The following SI variants were observed in gnomAD, a reference collection of about 807,000 sequenced individuals.
SI encodes sucrase-isomaltase, intestinal.
In SI, 235 loss-of-function variants were observed where a neutral mutation model predicts 253.3. The ratio of observed to expected loss-of-function variants is 0.93; its 90% CI spans 0.83 to 1.03. The LOEUF is 1.03. Ranked by LOEUF, SI falls within the 50% of genes least tolerant of loss-of-function variation. SI has a pLI of 0.00. For synonymous variants in SI, 819 were observed against 712.0 expected (o/e 1.15, Z -2.39); for missense variants, 2,442 against 2,211.1 (o/e 1.10, Z -2.09).
At position 165,049,855 on chromosome 3, in the gene SI, G is replaced by T. The variant is rs749169883; in HGVS notation, c.1533C>A (p.Ser511Arg). 2 of 1,606,098 alleles carry T rather than the reference G, an allele frequency of 1.2e-6. No individual in the cohort carries two copies. The highest frequency in any genetic ancestry group is 1.7e-6 in the Non-Finnish European group (2 of 1,173,406). The change falls in exon 14 of 48, where the codon AGC (serine) becomes AGA (arginine). Residue 511 changes from serine (S) to arginine (R), a missense_variant. Transcript: ENST00000264382. ...ATCCTTTTGTTGAACCTTGAATAAA[G>T]CTGGAAACTTCATTCATGTCCTGAA... is the stretch of plus-strand genomic sequence containing the variant. ...GLWIDMNEVS[S>R]FIQGSTKGCN... is the part of the protein sequence containing the mutation.
intron 18 of SI, among the ~76,000 whole-genome samples, 196 bp from the exon 19 acceptor site, chr3:165,040,167 G>A (rs112163093): frequency 6.6e-6 from 1 of 151,392 alleles, no homozygotes; most frequent in Non-Finnish European, 1.5e-5. Flanking sequence ...AGGGAGGAAG[G>A]GAAGAAGGAA....
In SI at chr3:165,041,045, G is replaced by A. The variant is rs773276098; in HGVS notation, c.2054C>T (p.Ser685Leu). The A allele has an allele frequency of 6.2e-7, 1 of 1,612,358 alleles. No individual in the cohort carries two copies. Among genetic ancestry groups the A allele is most frequent in the Non-Finnish European group, 8.5e-7 (1 of 1,178,794 alleles). The change falls in exon 18 of 48, where the codon TCA becomes TTA. Residue 685 changes from serine to leucine, a missense_variant. Physicochemically the swap from Ser to Leu is moderately radical, Grantham distance 145. Coordinates refer to ENST00000264382, the MANE Select transcript of SI (RefSeq NM_001041.4). ...FGQNSLLVKS[S>L]RQYLTIRYTL... is the part of the protein sequence containing the mutation. ...GTAGCGAATAGTTAAATACTGCCTT[G>A]ATGATTTAACCAAAAGTGAATTCTG...
Position 165,062,359 on chromosome 3 carries a change from C to T in SI, c.1020+12G>A, listed in dbSNP as rs777393540. On this transcript the variant is annotated intron_variant, in intron 9 of 47. Transcript: ENST00000264382. The stretch of plus-strand genomic sequence containing the variant: ...TGCAGAAAAAATTTTATAAAATAGA[C>T]CTGAAACACACCTGTTGATACTGTT... 1.2e-5 allele frequency: 16 copies of T among 1,326,228 alleles called. No homozygotes were observed. Among genetic ancestry groups the T allele is most frequent in the Admixed American group, 1.7e-5 (1 of 59,358 alleles). The allele number at this position is 1,326,228 out of a possible 1,614,324, so 82.2% of individuals were successfully genotyped here. A position where few individuals can be genotyped will look rare whatever the true frequency, so the allele number is the denominator to read the frequency against.
At position 165,023,661 on chromosome 3, in the gene SI, G is replaced by A. The variant is rs1275682852; in HGVS notation, c.3008C>T (p.Thr1003Ile). The A allele has an allele frequency of 6.2e-7, 1 of 1,610,978 alleles. No individual in the cohort carries two copies. The highest frequency in any genetic ancestry group is 1.7e-4 in the Middle Eastern group (1 of 6,044). ...AGGTAACTTTATTCTGGCATTTGCA[G>A]TATTTAGTTGGAGGTCAGCTGTTAT... The part of the protein sequence containing the change: ...MGITADLQLN[T>I]ANARIKLPSD... The change falls in exon 26 of 48, where the codon ACT (threonine) becomes ATT (isoleucine). Residue 1003 changes from threonine (T) to isoleucine (I), a missense_variant. Physicochemically the swap from Thr to Ile is moderately conservative, Grantham distance 89. Coordinates refer to ENST00000264382, the MANE Select transcript of SI (RefSeq NM_001041.4).
intron 45 of SI, among the ~76,000 whole-genome samples, chr3:164,983,925 T>G (rs1717317010): frequency 6.6e-6 from 1 of 152,078 alleles, no homozygotes; most frequent in Non-Finnish European, 1.5e-5. Flanking sequence ...TAAAACTCAT[T>G]TTAATGATCA....
chr3:164,991,554 C>T (rs1423216352), intron 43 of SI, 77 bp from the exon 44 acceptor site: 4 of 1,466,516 alleles, frequency 2.7e-6, no homozygotes, highest in African/African-American at 1.4e-5. Context: ...TGAGGATATA[C>T]ATTTTAAAAA....
the SI span, among the ~76,000 whole-genome samples, chr3:165,087,869 T>C: frequency 6.6e-6 from 1 of 152,166 alleles, no homozygotes; most frequent in Non-Finnish European, 1.5e-5. Flanking sequence ...TAAAATGTAT[T>C]GAGGCAAATT....
At chr3:165,059,123 C>CAT in intron 11 of SI, 41 bp from the exon 12 acceptor site, 1 of 1,557,174 alleles carries the variant, frequency 6.4e-7, no homozygotes, top group Non-Finnish European at 8.7e-7. Flanking sequence ...TATTAACTTA[C>CAT]ACGTGTAAAC....
Position 164,982,346 on chromosome 3 carries a change from G to A in SI, c.5312C>T (p.Ser1771Phe), listed in dbSNP as rs759478116. Residue 1771 changes from serine to phenylalanine, a missense_variant, in exon 47 of 48, where the codon TCC becomes TTC. By Grantham distance (155) the Ser-to-Phe change is radical. Coordinates refer to ENST00000264382, the MANE Select transcript of SI (RefSeq NM_001041.4). ...AGTTCCTTTCCCCCATACATGAAGG[G>A]ATCCAAGCCTCGTTTCACTTTTATT... ...YINKSETRLG[S>F]LHVWGKGTTP... 7 of 1,612,464 alleles carry A rather than the reference G, an allele frequency of 4.3e-6. No homozygotes were observed. Among genetic ancestry groups the A allele is most frequent in the South Asian group, 1.1e-5 (1 of 91,048 alleles).
At chr3:165,055,584 G>A (rs1159609866) in intron 12 of SI, among the ~76,000 whole-genome samples, 1 of 151,762 alleles carries the variant, frequency 6.6e-6, no homozygotes, top group Admixed American at 6.6e-5. Flanking sequence ...TTGTTTTTAA[G>A]CATCCTTGTA....
intron 22 of SI, among the ~76,000 whole-genome samples, chr3:165,034,197 C>T (rs565478109): frequency 7.9e-5 from 12 of 151,878 alleles, no homozygotes; most frequent in Middle Eastern, 3.4e-3. Context: ...TCCATGTTTG[C>T]TTACAAATCC....
intron 17 of SI, among the ~76,000 whole-genome samples, chr3:165,041,843 A>G (rs1186959088): frequency 2.0e-5 from 3 of 152,110 alleles, no homozygotes; most frequent in Non-Finnish European, 2.9e-5. Flanking sequence ...CATGTTTCCC[A>G]GTGCTGCTCC....
rs766861562 is a variant in SI at position 165,015,940 on chromosome 3, C to T, written c.3888+12G>A. The T allele has an allele frequency of 3.9e-5, 62 of 1,605,728 alleles. No individual in the cohort carries two copies. The Admixed American group carries it at 1.0e-3, about 27-fold the overall frequency. On this transcript the variant is annotated intron_variant, in intron 32 of 47. Coordinates refer to ENST00000264382, the MANE Select transcript of SI (RefSeq NM_001041.4). ...ACAAGAAATAAGACTCAGGTAAACTCCAAGTACTGACCAGGATAATAATGT... is the reference window on the plus strand; with the variant it reads ...ACAAGAAATAAGACTCAGGTAAACTTCAAGTACTGACCAGGATAATAATGT...
the SI span, among the ~76,000 whole-genome samples, chr3:165,088,020 A>T: frequency 6.6e-6 from 1 of 152,304 alleles, no homozygotes; most frequent in East Asian, 1.9e-4. Flanking sequence ...TACTTAAGAC[A>T]ATAAAAAATT....
chr3:165,058,966 T>C lies in SI; in HGVS notation c.1395A>G (p.Gly465=), dbSNP rs1377421426. The change falls in exon 12 of 48, where the codon GGA becomes GGG. Residue 465 remains glycine (G), a synonymous_variant. Coordinates refer to ENST00000264382, the MANE Select transcript of SI (RefSeq NM_001041.4). The part of the protein sequence containing the change: ...NESDGSTPII[G]EVWPGLTVYP... ...TTTAATAAATATCATATTTTACCTC[T>C]CCAATAATTGGTGTACTTCCATCTG... is the stretch of plus-strand genomic sequence containing the variant. 10 of 1,610,682 alleles carry C rather than the reference T, an allele frequency of 6.2e-6. No homozygotes were observed. Among genetic ancestry groups the C allele is most frequent in the Non-Finnish European group, 8.5e-6 (10 of 1,177,578 alleles).
intron 34 of SI, among the ~76,000 whole-genome samples, chr3:165,011,339 C>A (rs2108163338): frequency 6.6e-6 from 1 of 152,170 alleles, no homozygotes; most frequent in Admixed American, 6.6e-5. Flanking sequence ...TTTTCTAATT[C>A]TCTTTTGATC....
Position 165,065,445 on chromosome 3 carries a change from AG to A in SI, c.636-14del. ...GCTGGTGTCAAACCTGCACCATAAA[AG>A]AAATAAAGAAATAATCTAATATATA... On this transcript the variant is annotated splice_polypyrimidine_tract_variant and intron_variant, in intron 6 of 47. Transcript: ENST00000264382. 1.1e-6 allele frequency: 1 copy of A among 950,086 alleles called. No homozygotes were observed. Among genetic ancestry groups the A allele is most frequent in the Non-Finnish European group, 1.5e-6 (1 of 663,242 alleles). 58.9% of individuals were successfully genotyped at this position (950,086 alleles called of 1,614,324 possible).
intron 34 of SI, among the ~76,000 whole-genome samples, chr3:165,010,180 A>T (rs1718706142): frequency 6.6e-6 from 1 of 151,878 alleles, no homozygotes. Context: ...TTTTTTTAAG[A>T]TAGAGTTTTG....
At chr3:165,084,933 G>C in the SI span, among the ~76,000 whole-genome samples, 1 of 152,050 alleles carries the variant, frequency 6.6e-6, no homozygotes, top group South Asian at 2.1e-4. Flanking sequence ...TCTCCTTAGA[G>C]CACTGTGAGG....
Sources: allele counts gnomAD v4.1 joint callset (sites outside exome capture counted in the v4.1 genomes callset), GRCh38; gene constraint gnomAD v4.1.1; transcripts MANE v1.5; gene names NCBI Gene and HGNC (gene_info 2026-07-23, HGNC 2026-07-21).